GATA2: variants seen among roughly 807,000 people sequenced by gnomAD.
The protein encoded by GATA2 is GATA binding protein 2, also known as endothelial transcription factor GATA-2.
A neutral mutation model predicts 35.7 loss-of-function variants in GATA2; 6 were observed. The ratio of observed to expected loss-of-function variants is 0.17; its 90% CI spans 0.09 to 0.33. GATA2 has a LOEUF of 0.33. GATA2 is among the 10% of genes least tolerant of loss of function. The pLI is 1.00. For synonymous variants in GATA2, 313 were observed against 274.9 expected, an observed-to-expected ratio of 1.14 and a Z score of -1.37; for missense variants, 541 against 656.6, an observed-to-expected ratio of 0.82 and a Z score of 1.92.
At position 128,481,054 on chromosome 3, in the gene GATA2, G is replaced by A; in HGVS notation, c.1408C>T (p.Pro470Ser). The A allele has an allele frequency of 6.3e-7, 1 of 1,595,714 alleles. No homozygotes were observed. Among genetic ancestry groups the A allele is most frequent in the Non-Finnish European group, 8.6e-7 (1 of 1,169,390 alleles). The change falls in exon 6 of 6, where the codon CCC becomes TCC. Residue 470 changes from proline (P) to serine (S), a missense_variant. Coordinates refer to ENST00000341105, the MANE Select transcript of GATA2 (RefSeq NM_032638.5). ...GCGGTCACCATGCTGGACGGGTGGG[G>A]GTGGCCGAAGGAGAGGCTGGAGGAG... ...HPSSSLSFGHPHPSSMVTAMG is the reference protein window; with the variant it reads ...HPSSSLSFGHSHPSSMVTAMG
At position 128,488,543 on chromosome 3, in the gene GATA2, G is replaced by T. The variant is rs915465861; in HGVS notation, c.-45-1467C>A. Reference sequence around the variant, plus strand: ...TGCTTGACCCAGTGGAGGTGGCCCGGCCGGTGGCTCCAGAAAGGGGGAGGG... The same window carrying T: ...TGCTTGACCCAGTGGAGGTGGCCCGTCCGGTGGCTCCAGAAAGGGGGAGGG... On this transcript the variant is annotated intron_variant, in intron 1 of 5. Transcript: ENST00000341105. This position sits in a 1 kb window ranked among gnomAD's most constrained non-coding sequence, Gnocchi z 5.8. 2.6e-5 allele frequency: 4 copies of T among 152,592 alleles called. No individual in the cohort carries two copies. The highest frequency in any genetic ancestry group is 2.6e-4 in the Admixed American group (4 of 15,314). 9.5% of individuals were successfully genotyped at this position (152,592 alleles called of 1,614,324 possible). A position where few individuals can be genotyped will look rare whatever the true frequency, so the allele number is the denominator to read the frequency against.
intron 4 of GATA2, 152 bp downstream of exon 4, chr3:128,483,708 G>T (rs1289386963): frequency 1.8e-6 from 2 of 1,106,676 alleles, no homozygotes; most frequent in African/African-American, 1.6e-5. Context: ...GCCAGAAAGA[G>T]AGACGACCCC....
chr3:128,481,964 T>C lies in GATA2; in HGVS notation c.1018-20A>G. ...GGCCGACTGGGAGGGCAAGGCAGCG[T>C]CAGCAGGCTGGACTCCCACGCCCAC... On this transcript the variant is annotated intron_variant, in intron 4 of 5. Transcript: ENST00000341105. 1 of 1,611,868 alleles carries C rather than the reference T, an allele frequency of 6.2e-7. No homozygotes were observed. The highest frequency in any genetic ancestry group is 8.5e-7 in the Non-Finnish European group (1 of 1,179,956).
intron 3 of GATA2, among the ~76,000 whole-genome samples, chr3:128,484,818 A>G (rs2068674297): frequency 6.6e-6 from 1 of 152,160 alleles, no homozygotes; most frequent in Admixed American, 6.5e-5. Context: ...GACCAAGTTG[A>G]GCAGGATCAC....
rs1348109698 is a variant in GATA2, at chr3:128,486,926, G to C, written c.106C>G (p.Pro36Ala). 2 of 1,612,858 alleles carry C rather than the reference G, an allele frequency of 1.2e-6. No individual in the cohort carries two copies. The highest frequency in any genetic ancestry group is 1.7e-6 in the Non-Finnish European group (2 of 1,179,628). The part of the protein sequence containing the change: ...HPGLAHNYME[P>A]AQLLPPDEVD... Reference sequence around the variant, plus strand: ...TCGTCTGGAGGCAGCAGCTGCGCGGGTTCCATGTAGTTGTGCGCCAGGCCC... The same window carrying C: ...TCGTCTGGAGGCAGCAGCTGCGCGGCTTCCATGTAGTTGTGCGCCAGGCCC... The change falls in exon 2 of 6, where the codon CCC becomes GCC. Residue 36 changes from proline to alanine, a missense_variant. Coordinates refer to ENST00000341105, the MANE Select transcript of GATA2 (RefSeq NM_032638.5).
chr3:128,486,293 T>A lies in GATA2; in HGVS notation c.305A>T (p.Lys102Ile). The A allele has an allele frequency of 6.3e-7, 1 of 1,586,944 alleles. No homozygotes were observed. Among genetic ancestry groups the A allele is most frequent in the Non-Finnish European group, 8.6e-7 (1 of 1,169,098 alleles). Residue 102 changes from lysine to isoleucine, a missense_variant, in exon 3 of 6, where the codon AAA (lysine) becomes ATA (isoleucine). Physicochemically the swap from Lys to Ile is moderately radical, Grantham distance 102. This residue lies in a region of GATA2 where 389 missense variants were observed against 396.9 expected (regional missense o/e 0.98). Transcript: ENST00000341105. ...GGCCGCAGCGGCAGAGAGGGCTGCT[T>A]TGCCCCCGTCCAGCCAGGGCAAACC... ...SPGLPWLDGG[K>I]AALSAAAAHH...
intron 1 of GATA2, chr3:128,490,196 G>C (rs1357807207): frequency 1.3e-5 from 2 of 152,300 alleles, no homozygotes; most frequent in Non-Finnish European, 2.9e-5. Flanking sequence ...CCCGGCCACT[G>C]CGGTAGTGGA....
chr3:128,487,201 G>A (rs2068715362), intron 1 of GATA2, 125 bp from the exon 2 acceptor site: 2 of 611,828 alleles, frequency 3.3e-6, no homozygotes, highest in African/African-American at 3.8e-5. Flanking sequence ...ACCAGTCCCG[G>A]GTGGGAGGAA....
intron 4 of GATA2, among the ~76,000 whole-genome samples, chr3:128,482,290 C>T (rs1353423867): frequency 6.6e-6 from 1 of 152,152 alleles, no homozygotes; most frequent in African/African-American, 2.4e-5. Flanking sequence ...GCACAGGCAT[C>T]CTGAGGCTGA....
In GATA2 at chr3:128,488,938, G is replaced by A. The variant is rs2068740828; in HGVS notation, c.-45-1862C>T. On this transcript the variant is annotated intron_variant, in intron 1 of 5. Transcript: ENST00000341105. This position sits in a 1 kb window ranked among gnomAD's most constrained non-coding sequence, Gnocchi z 5.8. The stretch of plus-strand genomic sequence containing the variant: ...GGTCCAGGACAAAGGCATTTTGGGG[G>A]ACCTAGACAGGTGCCGAGTACTGGG... Among the ~76,000 whole-genome samples the A allele has an allele frequency of 6.6e-6, 1 of 152,112 alleles. No homozygotes were observed. The highest frequency in any genetic ancestry group is 2.1e-4 in the South Asian group (1 of 4,828).
intron 2 of GATA2, 97 bp downstream of exon 2, chr3:128,486,706 G>A (rs2068704195): frequency 2.5e-6 from 3 of 1,222,898 alleles, no homozygotes; most frequent in Non-Finnish European, 3.5e-6. Context: ...CGATTCCTGC[G>A]GATCCTACAT....
rs746688400 is a variant in GATA2 at position 128,479,851 on chromosome 3, A to T, written c.*1168T>A. On this transcript the variant is annotated 3_prime_UTR_variant, in exon 6 of 6. Transcript: ENST00000341105. ...GTAAAGCTGGACCTGAGACCCCAGC[A>T]GGGACACAGCCTCTCCCTGGGTCCT... The T allele has an allele frequency of 2.6e-5, 6 of 233,026 alleles. No individual in the cohort carries two copies. Among genetic ancestry groups the T allele is most frequent in the Non-Finnish European group, 4.2e-5 (5 of 117,898 alleles). 14.4% of individuals were successfully genotyped at this position (233,026 alleles called of 1,614,324 possible). A position where few individuals can be genotyped will look rare whatever the true frequency, so the allele number is the denominator to read the frequency against.
In GATA2 at chr3:128,483,360, G is replaced by A. The variant is rs180751963; in HGVS notation, c.1017+500C>T. 2.6e-5 allele frequency among the ~76,000 whole-genome samples: 4 copies of A among 152,302 alleles called. No homozygotes were observed. The highest frequency in any genetic ancestry group is 4.8e-5 in the African/African-American group (2 of 41,560). On this transcript the variant is annotated intron_variant, in intron 4 of 5. Coordinates refer to ENST00000341105, the MANE Select transcript of GATA2 (RefSeq NM_032638.5). Reference sequence around the variant, plus strand: ...GATAGGAAACTCCGGCAGGAGATCCGAAAGGGCATTTTTTTAAAATCACTC... The same window carrying A: ...GATAGGAAACTCCGGCAGGAGATCCAAAAGGGCATTTTTTTAAAATCACTC...
rs2068663253 is a variant in GATA2 at position 128,484,012 on chromosome 3, G to A, written c.872-7C>T. On this transcript the variant is annotated splice_polypyrimidine_tract_variant and splice_region_variant and intron_variant, in intron 3 of 5. Coordinates refer to ENST00000341105, the MANE Select transcript of GATA2 (RefSeq NM_032638.5). Reference sequence around the variant, plus strand: ...TTGACACACTCCCGGCCTTCTGCAGGGGAACAGGGAGAGACACGGGGGCCT... The same window carrying A: ...TTGACACACTCCCGGCCTTCTGCAGAGGAACAGGGAGAGACACGGGGGCCT... 2 of 1,612,768 alleles carry A rather than the reference G, an allele frequency of 1.2e-6. No individual in the cohort carries two copies. Among genetic ancestry groups the A allele is most frequent in the Non-Finnish European group, 1.7e-6 (2 of 1,179,880 alleles).
intron 3 of GATA2, among the ~76,000 whole-genome samples, 178 bp downstream of exon 3, chr3:128,485,549 T>C (rs1162104141): frequency 1.3e-5 from 2 of 152,142 alleles, no homozygotes; most frequent in African/African-American, 2.4e-5. Context: ...GCAAAAGTTT[T>C]AGAGTCTCCT....
Position 128,486,002 on chromosome 3 carries a change from C to T in GATA2, c.596G>A (p.Gly199Glu), listed in dbSNP as rs780930549. ...GTCCTCTCCTCGGGCTGCACTACCC[C>T]CCGCGGAAGATGAGGCTGGAGACGC... ...GAASPASSSA[G>E]GSAARGEDKD... Residue 199 changes from glycine to glutamate, a missense_variant, in exon 3 of 6, where the codon GGG becomes GAG. By Grantham distance (98) the Gly-to-Glu change is moderately conservative. Coordinates refer to ENST00000341105, the MANE Select transcript of GATA2 (RefSeq NM_032638.5). The T allele has an allele frequency of 6.2e-7, 1 of 1,614,228 alleles. No individual in the cohort carries two copies. The highest frequency in any genetic ancestry group is 2.2e-5 in the East Asian group (1 of 44,884).
In GATA2 at chr3:128,479,851, AG is replaced by A. The variant is rs1441381499; in HGVS notation, c.*1167del. 1 of 233,026 alleles carries A rather than the reference AG, an allele frequency of 4.3e-6. No homozygotes were observed. The highest frequency in any genetic ancestry group is 2.2e-5 in the African/African-American group (1 of 45,340). 14.4% of individuals were successfully genotyped at this position (233,026 alleles called of 1,614,324 possible). On this transcript the variant is annotated 3_prime_UTR_variant, in exon 6 of 6. Coordinates refer to ENST00000341105, the MANE Select transcript of GATA2 (RefSeq NM_032638.5). ...GTAAAGCTGGACCTGAGACCCCAGC[AG>A]GGACACAGCCTCTCCCTGGGTCCTG...
intron 3 of GATA2, among the ~76,000 whole-genome samples, chr3:128,484,888 TAC>T (rs2068675189): frequency 6.6e-6 from 1 of 151,998 alleles, no homozygotes; most frequent in Non-Finnish European, 1.5e-5. Context: ...AAATGAGGAG[TAC>T]AGCCTGGCAA....
At chr3:128,483,211 G>A (rs1388609084) in intron 4 of GATA2, among the ~76,000 whole-genome samples, 1 of 152,218 alleles carries the variant, frequency 6.6e-6, no homozygotes, top group African/African-American at 2.4e-5. Context: ...TTGCAGAGTG[G>A]AGGGTATTAG....
Sources: allele counts gnomAD v4.1 joint callset (sites outside exome capture counted in the v4.1 genomes callset), GRCh38; gene constraint gnomAD v4.1.1; regional missense constraint gnomAD v4.1.1; non-coding constraint Gnocchi (gnomAD v3.1); transcripts MANE v1.5; gene names NCBI Gene and HGNC (gene_info 2026-07-23, HGNC 2026-07-21).